Variants in PABPC1 observed in about 807,000 individuals in gnomAD.
PABPC1 encodes polyadenylate-binding protein 1.
Under a neutral mutation model 74.0 loss-of-function variants are expected in PABPC1, and 4 were observed. That is an observed-to-expected ratio of 0.05 (90% CI 0.03 to 0.12). The LOEUF (loss-of-function observed/expected upper bound fraction) is 0.12. Among genes scored for constraint, PABPC1 ranks in the 10% least tolerant of loss-of-function variants. PABPC1 has a pLI of 1.00. For synonymous variants in PABPC1, 227 were observed against 264.1 expected (o/e 0.86, Z 1.36); for missense variants, 271 against 821.1 (o/e 0.33, Z 8.19).
intron 9 of PABPC1, among the ~76,000 whole-genome samples, chr8:100,707,918 T>C (rs922196158): frequency 2.0e-5 from 3 of 152,242 alleles, no homozygotes; most frequent in Non-Finnish European, 4.4e-5. Flanking sequence ...GGTGGCCCTG[T>C]CTGGGCATAA....
At chr8:100,720,124 GATT>G (rs1293691150) in intron 1 of PABPC1, among the ~76,000 whole-genome samples, 1 of 151,996 alleles carries the variant, frequency 6.6e-6, no homozygotes, top group African/African-American at 2.4e-5. Context: ...TTCATATTTC[GATT>G]ATTTGACATG....
chr8:100,716,179 T>C (rs886634581), intron 3 of PABPC1, among the ~76,000 whole-genome samples: 1 of 152,154 alleles, frequency 6.6e-6, no homozygotes, highest in African/African-American at 2.4e-5. Context: ...CAAGGTGGGA[T>C]GATCACTGGA....
intron 7 of PABPC1, among the ~76,000 whole-genome samples, chr8:100,710,262 GTTC>G (rs1285069391): frequency 6.6e-6 from 1 of 152,180 alleles, no homozygotes; most frequent in Non-Finnish European, 1.5e-5. Flanking sequence ...CAAGAGGAAG[GTTC>G]TTCTAAAATT....
intron 3 of PABPC1, among the ~76,000 whole-genome samples, chr8:100,716,508 C>A (rs1724190484): frequency 6.6e-6 from 1 of 152,160 alleles, no homozygotes; most frequent in Non-Finnish European, 1.5e-5. Flanking sequence ...CATAATCTCA[C>A]CCTAGTCATC....
chr8:100,714,734 T>C (rs1175262717), intron 4 of PABPC1, among the ~76,000 whole-genome samples: 1 of 151,462 alleles, frequency 6.6e-6, no homozygotes, highest in Non-Finnish European at 1.5e-5. Context: ...AAAAAAAAAG[T>C]ATTAGATTTC....
chr8:100,721,452 C>T lies in PABPC1; in HGVS notation c.132G>A (p.Arg44=), dbSNP rs1186860196. 20 of 1,609,166 alleles carry T rather than the reference C, an allele frequency of 1.2e-5. No individual in the cohort carries two copies. The highest frequency in any genetic ancestry group is 1.6e-5 in the Non-Finnish European group (19 of 1,177,580). Residue 44 remains arginine (R), a synonymous_variant, in exon 1 of 15, where the codon AGG becomes AGA. Coordinates refer to ENST00000318607, the MANE Select transcript of PABPC1 (RefSeq NM_002568.4). This position sits in a 1 kb window ranked among gnomAD's most constrained non-coding sequence, Gnocchi z 7.4. ...CCAAGGAGCGGCGGGTGATCATGTCCCTGCAGACCCGGATGGAGAGGATGG... is the reference window on the plus strand; with the variant it reads ...CCAAGGAGCGGCGGGTGATCATGTCTCTGCAGACCCGGATGGAGAGGATGG... ...AGPILSIRVC[R]DMITRRSLGY... is the part of the protein sequence containing the mutation.
chr8:100,710,086 G>C (rs1479413982), intron 7 of PABPC1, among the ~76,000 whole-genome samples: 1 of 152,208 alleles, frequency 6.6e-6, no homozygotes, highest in South Asian at 2.1e-4. Context: ...ACCACTGGAA[G>C]CATTTCCCAA....
intron 3 of PABPC1, among the ~76,000 whole-genome samples, chr8:100,716,464 AATACAC>A (rs1467206977): frequency 6.6e-6 from 1 of 152,190 alleles, no homozygotes; most frequent in Non-Finnish European, 1.5e-5. Flanking sequence ...AGCATATTAT[AATACAC>A]AGCAAAGCAG....
chr8:100,715,436 G>T, intron 4 of PABPC1, 26 bp downstream of exon 4: 1 of 1,561,656 alleles, frequency 6.4e-7, no homozygotes, highest in Non-Finnish European at 8.7e-7. Flanking sequence ...AGCTTTGTGT[G>T]TAAAAATTTA....
chr8:100,713,222 A>C (rs761733305), intron 4 of PABPC1, 41 bp from the exon 5 acceptor site: 1 of 1,192,426 alleles, frequency 8.4e-7, no homozygotes, highest in Admixed American at 2.3e-5. Flanking sequence ...ATTCCATACA[A>C]CATTCACGTT....
intron 4 of PABPC1, among the ~76,000 whole-genome samples, chr8:100,715,016 A>C (rs548723223): frequency 6.6e-6 from 1 of 152,174 alleles, no homozygotes; most frequent in Non-Finnish European, 1.5e-5. Context: ...AAACTGCTCA[A>C]ACATGATGTT....
chr8:100,712,951 T>C, intron 5 of PABPC1, 136 bp downstream of exon 5: 1 of 1,040,732 alleles, frequency 9.6e-7, no homozygotes. Context: ...ATTTATACTC[T>C]CAAACCTAAT....
intron 4 of PABPC1, among the ~76,000 whole-genome samples, chr8:100,714,359 T>C (rs1369374393): frequency 6.6e-6 from 1 of 152,202 alleles, no homozygotes; most frequent in Non-Finnish European, 1.5e-5. Context: ...ATGTTTTATA[T>C]CATCTATCTT....
chr8:100,712,568 C>G (rs1287002900), intron 6 of PABPC1, 84 bp downstream of exon 6: 1 of 1,530,124 alleles, frequency 6.5e-7, no homozygotes, highest in South Asian at 1.2e-5. Flanking sequence ...CTCAAACCCT[C>G]CAGCTACCTG....
At chr8:100,709,324 C>T in intron 8 of PABPC1, 101 bp from the exon 9 acceptor site, 2 of 1,461,848 alleles carry the variant, frequency 1.4e-6, no homozygotes, top group African/African-American at 1.4e-5. Context: ...GGACTTCACA[C>T]TCAAGCATTT....
rs568667124 is a variant in PABPC1 at position 100,715,388 on chromosome 8, AAAGT to A, written c.643+70_643+73del. 4.1e-4 allele frequency: 540 copies of A among 1,317,566 alleles called. 1 individual carries two copies. The South Asian group carries it at 7.6e-3, about 19-fold the overall frequency. 81.6% of individuals were successfully genotyped at this position (1,317,566 alleles called of 1,614,324 possible). A position where few individuals can be genotyped will look rare whatever the true frequency, so the allele number is the denominator to read the frequency against. On this transcript the variant is annotated intron_variant, in intron 4 of 14. Coordinates refer to ENST00000318607, the MANE Select transcript of PABPC1 (RefSeq NM_002568.4). ...CTAATTTTATTGACTTTTTTAGTAT[AAAGT>A]AATAGCTAAAATTAACACTGAGCAC...
intron 7 of PABPC1, 21 bp downstream of exon 7, chr8:100,712,341 A>G (rs758291349): frequency 7.3e-7 from 1 of 1,360,838 alleles, no homozygotes; most frequent in Non-Finnish European, 1.0e-6. Context: ...CCTCAAATAA[A>G]TGAACCATAT....
chr8:100,704,508 A>C, intron 13 of PABPC1, 118 bp from the exon 14 acceptor site: 1 of 873,590 alleles, frequency 1.1e-6, no homozygotes, highest in South Asian at 1.4e-5. Flanking sequence ...TGAAAGTATA[A>C]ATTGTTACAC....
At chr8:100,720,057 A>T (rs905070495) in intron 1 of PABPC1, among the ~76,000 whole-genome samples, 1 of 152,236 alleles carries the variant, frequency 6.6e-6, no homozygotes, top group African/African-American at 2.4e-5. Flanking sequence ...CTACTGAATG[A>T]ATGTTAATAG....
Sources: allele counts gnomAD v4.1 joint callset (sites outside exome capture counted in the v4.1 genomes callset), GRCh38; gene constraint gnomAD v4.1.1; non-coding constraint Gnocchi (gnomAD v3.1); transcripts MANE v1.5; gene names NCBI Gene and HGNC (gene_info 2026-07-23, HGNC 2026-07-21).